The following MPZL1 variants were observed in gnomAD, a reference collection of about 807,000 sequenced individuals.
MPZL1 encodes the protein myelin protein zero like 1, also known as myelin protein zero-like protein 1.
MPZL1 carries 16 observed loss-of-function variants against 29.3 expected under a neutral mutation model. The ratio of observed to expected loss-of-function variants is 0.55; its 90% CI spans 0.37 to 0.83. The LOEUF (loss-of-function observed/expected upper bound fraction) is 0.83. MPZL1 is among the 40% of genes least tolerant of loss of function. The pLI is 0.00. For synonymous variants in MPZL1, 143 were observed against 132.0 expected (o/e 1.08, Z -0.57); for missense variants, 279 against 332.9 (o/e 0.84, Z 1.26).
chr1:167,791,377 A>G lies in MPZL1; in HGVS notation c.*3456A>G, dbSNP rs891553642. 2.0e-5 allele frequency: 3 copies of G among 152,286 alleles called. No homozygotes were observed. The highest frequency in any genetic ancestry group is 7.2e-5 in the African/African-American group (3 of 41,470). 9.4% of individuals were successfully genotyped at this position (152,286 alleles called of 1,614,324 possible). ...AGCACTGTGCTAAGCATAAGGAAAC[A>G]AAACAAGACAAAGCTCCTCAAGGAG... On this transcript the variant is annotated 3_prime_UTR_variant, in exon 6 of 6. Transcript: ENST00000359523.
chr1:167,781,364 C>G (rs1661493540), intron 5 of MPZL1, among the ~76,000 whole-genome samples: 1 of 152,110 alleles, frequency 6.6e-6, no homozygotes, highest in African/African-American at 2.4e-5. Flanking sequence ...TAAAACAATT[C>G]TCATTAAATT....
chr1:167,722,354 A>G (rs1660049933), intron 1 of MPZL1, 112 bp downstream of exon 1: 9 of 1,224,902 alleles, frequency 7.3e-6, no homozygotes, highest in Non-Finnish European at 9.2e-6. Context: ...CGAGGTGGGG[A>G]GGGGGCGCGG....
chr1:167,742,235 G>A (rs898702031), intron 1 of MPZL1, among the ~76,000 whole-genome samples: 3 of 151,974 alleles, frequency 2.0e-5, no homozygotes, highest in Non-Finnish European at 4.4e-5. Context: ...GGAGGTTGCA[G>A]TGAGCAGAGA....
chr1:167,749,637 AC>A (rs1660716382), intron 1 of MPZL1, among the ~76,000 whole-genome samples: 2 of 152,230 alleles, frequency 1.3e-5, no homozygotes, highest in African/African-American at 4.8e-5. Context: ...TATTTTATAC[AC>A]TGATCAAGTC....
At chr1:167,749,585 G>C (rs1160396532) in intron 1 of MPZL1, among the ~76,000 whole-genome samples, 1 of 152,128 alleles carries the variant, frequency 6.6e-6, no homozygotes, top group African/African-American at 2.4e-5. Flanking sequence ...TCAACTTCTT[G>C]ATCTTTACCT....
chr1:167,776,314 A>G (rs887381594), intron 5 of MPZL1, 148 bp downstream of exon 5: 11 of 495,688 alleles, frequency 2.2e-5, no homozygotes, highest in Non-Finnish European at 3.8e-5. Context: ...GGAGTGAGGA[A>G]TTAAAGGGCT....
chr1:167,746,118 A>AG (rs1660641323), intron 1 of MPZL1, among the ~76,000 whole-genome samples: 2 of 152,094 alleles, frequency 1.3e-5, no homozygotes, highest in Non-Finnish European at 2.9e-5. Context: ...ACCACGAGTT[A>AG]GGGGAGACTT....
intron 5 of MPZL1, among the ~76,000 whole-genome samples, chr1:167,785,869 T>A (rs764999263): frequency 1.1e-4 from 17 of 152,192 alleles, no homozygotes; most frequent in Non-Finnish European, 2.2e-4. Flanking sequence ...CTTGGCTCAC[T>A]GTAAGCTCCG....
chr1:167,756,808 G>A (rs1407426497), intron 1 of MPZL1, among the ~76,000 whole-genome samples: 1 of 152,094 alleles, frequency 6.6e-6, no homozygotes, highest in Admixed American at 6.5e-5. Context: ...GGGTATAATG[G>A]TAAACAAGGT....
intron 1 of MPZL1, among the ~76,000 whole-genome samples, chr1:167,735,828 A>G (rs1374718437): frequency 1.3e-5 from 2 of 152,102 alleles, no homozygotes; most frequent in Non-Finnish European, 2.9e-5. Flanking sequence ...TATTAATCTT[A>G]TCAGAAAACA....
At chr1:167,726,904 G>A (rs1273358831) in intron 1 of MPZL1, among the ~76,000 whole-genome samples, 2 of 152,170 alleles carry the variant, frequency 1.3e-5, no homozygotes, top group Non-Finnish European at 2.9e-5. Context: ...TGTATGGGAT[G>A]CAGCAGGGAG....
At chr1:167,734,622 G>T (rs1660340633) in intron 1 of MPZL1, among the ~76,000 whole-genome samples, 1 of 152,032 alleles carries the variant, frequency 6.6e-6, no homozygotes, top group Non-Finnish European at 1.5e-5. Context: ...CACCTTCATG[G>T]TTCACATTTT....
At chr1:167,728,725 A>G (rs1403217087) in intron 1 of MPZL1, among the ~76,000 whole-genome samples, 11 of 152,206 alleles carry the variant, frequency 7.2e-5, no homozygotes. Flanking sequence ...TTTTGTAGCA[A>G]CAGTGATACA....
At chr1:167,778,528 G>GGATA (rs1406268258) in intron 5 of MPZL1, among the ~76,000 whole-genome samples, 2 of 141,160 alleles carry the variant, frequency 1.4e-5, no homozygotes, top group African/African-American at 5.4e-5. Context: ...AAGGAAGGAT[G>GGATA]GATGGATGGA....
intron 1 of MPZL1, among the ~76,000 whole-genome samples, chr1:167,750,359 G>A (rs369867361): frequency 6.6e-6 from 1 of 151,828 alleles, no homozygotes; most frequent in Non-Finnish European, 1.5e-5. Flanking sequence ...TGCTACCAAC[G>A]CCCAGCTAAT....
Position 167,788,655 on chromosome 1 carries a change from A to G in MPZL1, c.*734A>G, listed in dbSNP as rs1394597192. 1 of 152,356 alleles carries G rather than the reference A, an allele frequency of 6.6e-6. No homozygotes were observed. The highest frequency in any genetic ancestry group is 2.4e-5 in the African/African-American group (1 of 41,576). 9.4% of individuals were successfully genotyped at this position (152,356 alleles called of 1,614,324 possible). Reference sequence around the variant, plus strand: ...TCATTCTGGACACAGTTGGATCAATACTGATTAAGTAGAAAATCCAAGCTT... The same window carrying G: ...TCATTCTGGACACAGTTGGATCAATGCTGATTAAGTAGAAAATCCAAGCTT... On this transcript the variant is annotated 3_prime_UTR_variant, in exon 6 of 6. Transcript: ENST00000359523.
intron 1 of MPZL1, among the ~76,000 whole-genome samples, chr1:167,739,751 C>T (rs1660477744): frequency 6.6e-6 from 1 of 152,078 alleles, no homozygotes; most frequent in Non-Finnish European, 1.5e-5. Flanking sequence ...TTGTCATATC[C>T]CTGTTAACTA....
intron 5 of MPZL1, among the ~76,000 whole-genome samples, chr1:167,781,372 A>G (rs1168310850): frequency 6.6e-6 from 1 of 152,174 alleles, no homozygotes; most frequent in Non-Finnish European, 1.5e-5. Context: ...TTCTCATTAA[A>G]TTTAAAAGGG....
chr1:167,726,604 AGT>A (rs1250581902), intron 1 of MPZL1, among the ~76,000 whole-genome samples: 1 of 152,186 alleles, frequency 6.6e-6, no homozygotes, highest in Non-Finnish European at 1.5e-5. Context: ...ATTTTTCCAA[AGT>A]GTGATTTCAT....
Sources: allele counts gnomAD v4.1 joint callset (sites outside exome capture counted in the v4.1 genomes callset), GRCh38; gene constraint gnomAD v4.1.1; transcripts MANE v1.5; gene names NCBI Gene and HGNC (gene_info 2026-07-23, HGNC 2026-07-21).